DEFB110: variants seen among roughly 807,000 people sequenced by gnomAD.
DEFB110 encodes beta-defensin 110.
A neutral mutation model predicts 2.5 loss-of-function variants in DEFB110; 4 were observed. The ratio of observed to expected loss-of-function variants is 1.60; its 90% CI spans 0.79 to 3.66. The LOEUF is 3.66. Among genes scored for constraint, DEFB110 ranks in the 30% most tolerant of loss-of-function variants. The pLI, the probability that DEFB110 is intolerant of heterozygous loss-of-function variation, is 0.01. For synonymous variants in DEFB110, 29 were observed against 21.8 expected, an observed-to-expected ratio of 1.33 and a Z score of -0.92; for missense variants, 94 against 75.4, an observed-to-expected ratio of 1.25 and a Z score of -0.91.
rs114816332 is a variant in DEFB110 at position 50,012,393 on chromosome 6, G to A, written c.56-3122C>T. 8.0e-3 allele frequency among the ~76,000 whole-genome samples: 1,212 copies of A among 151,934 alleles called. 15 individuals carry two copies. Among genetic ancestry groups the A allele is most frequent in the African/African-American group, 0.025 (1,021 of 41,504 alleles). On this transcript the variant is annotated intron_variant, in intron 1 of 1. Transcript: ENST00000393660. ...AGATAAATAACTGAAAAAAAAGAGC[G>A]AGTGAATGCATATGTTATTACAGAT...
intron 1 of DEFB110, 34 bp from the exon 2 acceptor site, chr6:50,019,159 T>G (rs1774373359): frequency 1.9e-6 from 3 of 1,602,520 alleles, no homozygotes; most frequent in Admixed American, 3.4e-5. Flanking sequence ...AAATTAGCCA[T>G]CTAGCTATGA....
downstream of DEFB110, among the ~76,000 whole-genome samples, chr6:50,014,548 A>G (rs961025039): frequency 2.6e-5 from 4 of 151,860 alleles, no homozygotes; most frequent in Admixed American, 1.3e-4. Context: ...GTTCAAACAT[A>G]TAAGAAGAAA....
At chr6:50,021,197 T>C (rs1043070277) in intron 1 of DEFB110, among the ~76,000 whole-genome samples, 1 of 152,148 alleles carries the variant, frequency 6.6e-6, no homozygotes, top group Admixed American at 6.6e-5. Flanking sequence ...CTCTAAGCAA[T>C]ATTGATCTTT....
chr6:50,018,728 CA>C (rs1464318778), downstream of DEFB110: 1 of 945,248 alleles, frequency 1.1e-6, no homozygotes, highest in African/African-American at 1.7e-5. Context: ...GAACATGAAG[CA>C]CTGAAAACTT....
At chr6:50,015,705 C>T (rs909933492), downstream of DEFB110, among the ~76,000 whole-genome samples, 4 of 151,774 alleles carry the variant, frequency 2.6e-5, no homozygotes, top group Non-Finnish European at 5.9e-5. Context: ...TATCCACTCA[C>T]TATACTATGA....
chr6:50,013,781 G>T (rs190447306), intron 1 of DEFB110, among the ~76,000 whole-genome samples: 31 of 151,916 alleles, frequency 2.0e-4, no homozygotes, highest in African/African-American at 6.0e-4. Context: ...GACCAGAAGT[G>T]TTTTAGCTTC....
At chr6:50,018,713 T>C (rs66639226), downstream of DEFB110, 105,614 of 824,302 alleles carry the variant, frequency 0.13, 7,352 homozygotes, top group African/African-American at 0.21. Flanking sequence ...GTTGTGGAAC[T>C]TGTGGAACAT....
At chr6:50,020,295 G>A (rs1774396394) in intron 1 of DEFB110, among the ~76,000 whole-genome samples, 1 of 151,978 alleles carries the variant, frequency 6.6e-6, no homozygotes, top group Non-Finnish European at 1.5e-5. Flanking sequence ...GGGGTTTGAG[G>A]ACATTGGTTT....
At chr6:50,012,802 G>A (rs1774248954) in intron 1 of DEFB110, among the ~76,000 whole-genome samples, 2 of 151,778 alleles carry the variant, frequency 1.3e-5, no homozygotes, top group Non-Finnish European at 2.9e-5. Context: ...TTGGTCCTGT[G>A]ATAGGTGGGG....
chr6:50,018,907 G>C lies in DEFB110; in HGVS notation c.*70C>G. 1 of 1,527,574 alleles carries C rather than the reference G, an allele frequency of 6.5e-7. No individual in the cohort carries two copies. Among genetic ancestry groups the C allele is most frequent in the Non-Finnish European group, 8.8e-7 (1 of 1,142,522 alleles). The allele number at this position is 1,527,574 out of a possible 1,614,324, so 94.6% of individuals were successfully genotyped here. A position where few individuals can be genotyped will look rare whatever the true frequency, so the allele number is the denominator to read the frequency against. ...TTATAGAGACACACACGCCTTGAAG[G>C]ATGTGCTGGGAAAACTTAATAACGC... On this transcript the variant is annotated 3_prime_UTR_variant, in exon 2 of 2. Transcript: ENST00000371148.
At chr6:50,020,414 G>T (rs755864943) in intron 1 of DEFB110, among the ~76,000 whole-genome samples, 2 of 150,428 alleles carry the variant, frequency 1.3e-5, no homozygotes, top group Admixed American at 6.6e-5. Flanking sequence ...TGGCCGATTC[G>T]TTTTCAGAAG....
At chr6:50,016,447 G>A (rs1339894416), downstream of DEFB110, among the ~76,000 whole-genome samples, 1 of 151,688 alleles carries the variant, frequency 6.6e-6, no homozygotes. Flanking sequence ...TTTTTAGAAC[G>A]AATTAGTTTA....
At chr6:50,019,575 C>T (rs1036971862) in intron 1 of DEFB110, among the ~76,000 whole-genome samples, 10 of 151,932 alleles carry the variant, frequency 6.6e-5, no homozygotes, top group Non-Finnish European at 1.2e-4. Context: ...AGCTAGGCAA[C>T]GCTAGTGAAT....
At chr6:50,019,255 G>A in intron 1 of DEFB110, 130 bp from the exon 2 acceptor site, 1 of 945,358 alleles carries the variant, frequency 1.1e-6, no homozygotes, top group Admixed American at 2.6e-5. Flanking sequence ...GAAAGTTTAA[G>A]TGAATTTACT....
chr6:50,018,057 C>T (rs978990488), downstream of DEFB110, among the ~76,000 whole-genome samples: 2 of 151,636 alleles, frequency 1.3e-5, no homozygotes, highest in Non-Finnish European at 2.9e-5. Context: ...AAATTGTATT[C>T]CTAAACTCAT....
chr6:50,020,621 G>A (rs540278003), intron 1 of DEFB110, among the ~76,000 whole-genome samples: 6 of 152,136 alleles, frequency 3.9e-5, no homozygotes, highest in Non-Finnish European at 7.4e-5. Flanking sequence ...ACCTGATGGT[G>A]AGTAGTAATA....
chr6:50,016,122 A>C (rs1439933763), downstream of DEFB110, among the ~76,000 whole-genome samples: 4 of 151,852 alleles, frequency 2.6e-5, no homozygotes, highest in Non-Finnish European at 5.9e-5. Flanking sequence ...GTTCTTGCCC[A>C]AGGATATTGA....
chr6:50,015,887 T>A (rs1177524506), downstream of DEFB110, among the ~76,000 whole-genome samples: 1 of 151,830 alleles, frequency 6.6e-6, no homozygotes, highest in Admixed American at 6.6e-5. Context: ...CAAATTGACA[T>A]TGATCTTTTT....
downstream of DEFB110, among the ~76,000 whole-genome samples, chr6:50,014,450 T>C (rs1774282695): frequency 6.6e-6 from 1 of 151,790 alleles, no homozygotes; most frequent in Admixed American, 6.6e-5. Context: ...GAAAGAGACT[T>C]GAGAAAATTT....
Sources: allele counts gnomAD v4.1 joint callset (sites outside exome capture counted in the v4.1 genomes callset), GRCh38; gene constraint gnomAD v4.1.1; transcripts MANE v1.5; gene names NCBI Gene and HGNC (gene_info 2026-07-23, HGNC 2026-07-21).